SERAC1: variants seen among roughly 807,000 people sequenced by gnomAD.
SERAC1 encodes the protein serine active site containing 1.
SERAC1 carries 36 observed loss-of-function variants against 85.7 expected under a neutral mutation model. The ratio of observed to expected loss-of-function variants is 0.42; its 90% CI spans 0.32 to 0.55. The LOEUF (loss-of-function observed/expected upper bound fraction) is 0.55. SERAC1 is among the 20% of genes least tolerant of loss of function. The probability of loss-of-function intolerance (pLI) is 0.11; values close to 1 mark genes in which losing one functional copy is unlikely to be tolerated. For synonymous variants in SERAC1, 242 were observed against 265.3 expected (o/e 0.91, Z 0.85); for missense variants, 629 against 796.2 (o/e 0.79, Z 2.53).
At chr6:158,121,242 T>G (rs7759262) in intron 10 of SERAC1, among the ~76,000 whole-genome samples, 37,295 of 152,098 alleles carry the variant, frequency 0.25, 4,752 homozygotes, top group East Asian at 0.3. Context: ...ATAAAGTCGT[T>G]ACCTTTTAGG....
intron 10 of SERAC1, among the ~76,000 whole-genome samples, chr6:158,123,327 T>C (rs764437760): frequency 6.6e-6 from 1 of 152,172 alleles, no homozygotes; most frequent in African/African-American, 2.4e-5. Flanking sequence ...CCTGAGACTG[T>C]GAAAGGAGAC....
intron 9 of SERAC1, among the ~76,000 whole-genome samples, chr6:158,129,219 TTC>T (rs1784613437): frequency 6.6e-6 from 1 of 152,254 alleles, no homozygotes; most frequent in African/African-American, 2.4e-5. Context: ...CGAGCAAGTT[TTC>T]CCAGGTCCCT....
intron 10 of SERAC1, among the ~76,000 whole-genome samples, chr6:158,121,288 G>GT (rs1490868582): frequency 3.3e-5 from 5 of 152,052 alleles, no homozygotes; most frequent in Non-Finnish European, 5.9e-5. Context: ...TGTAAAAAAC[G>GT]TATGTTTAGC....
intron 10 of SERAC1, among the ~76,000 whole-genome samples, chr6:158,127,332 G>A (rs1404409138): frequency 4.3e-5 from 4 of 93,992 alleles, no homozygotes; most frequent in African/African-American, 1.2e-4. Context: ...GAAGTGAGGA[G>A]CCCCTCTGCC....
chr6:158,140,191 C>A (rs1283597041), intron 8 of SERAC1, among the ~76,000 whole-genome samples: 1 of 152,152 alleles, frequency 6.6e-6, no homozygotes, highest in Non-Finnish European at 1.5e-5. Flanking sequence ...AATGAGATGA[C>A]TGGTGGACGG....
chr6:158,136,575 A>T (rs1784798818), intron 8 of SERAC1, among the ~76,000 whole-genome samples: 1 of 152,122 alleles, frequency 6.6e-6, no homozygotes, highest in Non-Finnish European at 1.5e-5. Context: ...AGAGCACCGC[A>T]GCCTCGAACT....
At position 158,115,057 on chromosome 6, in the gene SERAC1, A is replaced by G. The variant is rs1784252393; in HGVS notation, c.1502-86T>C. 5 of 1,367,238 alleles carry G rather than the reference A, an allele frequency of 3.7e-6. No homozygotes were observed. The South Asian group carries it at 7.1e-5, about 19-fold the overall frequency. The allele number at this position is 1,367,238 out of a possible 1,614,324, so 84.7% of individuals were successfully genotyped here. A position where few individuals can be genotyped will look rare whatever the true frequency, so the allele number is the denominator to read the frequency against. On this transcript the variant is annotated intron_variant, in intron 14 of 16. Coordinates refer to ENST00000647468, the MANE Select transcript of SERAC1 (RefSeq NM_032861.4). ...AAAAAAAGAAAAGGCCAAACAAGAA[A>G]TACATAAAAAGAGATGCTTTCTTTT...
chr6:158,158,484 C>A, intron 1 of SERAC1, 120 bp from the exon 2 acceptor site: 1 of 627,568 alleles, frequency 1.6e-6, no homozygotes, highest in Non-Finnish European at 2.6e-6. Flanking sequence ...TTTTTCAAGA[C>A]TACGAAGAAA....
intron 2 of SERAC1, among the ~76,000 whole-genome samples, chr6:158,156,852 T>TA (rs1242445526): frequency 7.1e-6 from 1 of 139,934 alleles, no homozygotes; most frequent in Admixed American, 7.6e-5. Flanking sequence ...ATATTTTATA[T>TA]ATAATAAATA....
At chr6:158,129,592 A>T (rs1583574621) in intron 9 of SERAC1, among the ~76,000 whole-genome samples, 1 of 152,072 alleles carries the variant, frequency 6.6e-6, no homozygotes, top group Non-Finnish European at 1.5e-5. Flanking sequence ...AACTATCATC[A>T]TGACAGAAAA....
At chr6:158,158,477 T>G in intron 1 of SERAC1, 113 bp from the exon 2 acceptor site, 1 of 688,984 alleles carries the variant, frequency 1.5e-6, no homozygotes, top group South Asian at 2.5e-5. Flanking sequence ...AGTTAGCTTT[T>G]TCAAGACTAC....
rs937646601 is a variant in SERAC1 at position 158,142,935 on chromosome 6, A to G, written c.738+121T>C. On this transcript the variant is annotated intron_variant, in intron 8 of 16. Coordinates refer to ENST00000647468, the MANE Select transcript of SERAC1 (RefSeq NM_032861.4). ...TCATCCCTGACATCCAGCCCAGGGC[A>G]TGACACACAACCAGAAGTTAGCATG... 2.0e-5 allele frequency: 15 copies of G among 744,784 alleles called. No homozygotes were observed. In the African/African-American group the frequency reaches 2.5e-4, roughly 12 times the overall value. The allele number at this position is 744,784 out of a possible 1,614,324, so 46.1% of individuals were successfully genotyped here.
chr6:158,121,427 C>A (rs1338038214), intron 10 of SERAC1, among the ~76,000 whole-genome samples: 3 of 152,158 alleles, frequency 2.0e-5, no homozygotes. Context: ...TCTGCTCCCT[C>A]CTTACTTGCT....
intron 1 of SERAC1, among the ~76,000 whole-genome samples, chr6:158,165,288 T>G (rs1785571739): frequency 6.6e-6 from 1 of 152,088 alleles, no homozygotes; most frequent in Admixed American, 6.6e-5. Context: ...CCCAAGTAGC[T>G]GGGACTACAG....
At chr6:158,167,283 A>C (rs993718916) in intron 1 of SERAC1, among the ~76,000 whole-genome samples, 9 of 150,948 alleles carry the variant, frequency 6.0e-5, no homozygotes, top group African/African-American at 2.2e-4. Context: ...TCACACCTGT[A>C]ATCGCAGCAC....
rs10946114 is a variant in SERAC1 at position 158,164,721 on chromosome 6, C to T, written c.-2+3419G>A. Among the ~76,000 whole-genome samples, 19 of 152,234 alleles carry T rather than the reference C, an allele frequency of 1.2e-4. No individual in the cohort carries two copies. The East Asian group carries it at 3.7e-3, about 29-fold the overall frequency. On this transcript the variant is annotated intron_variant, in intron 1 of 16. Coordinates refer to ENST00000647468, the MANE Select transcript of SERAC1 (RefSeq NM_032861.4). The stretch of plus-strand genomic sequence containing the variant: ...AGCCAGAGTGAAACATCATTTCATG[C>T]TTTCATTCTGATTAATAAAACGTGA...
At chr6:158,156,947 T>A (rs1456592848) in intron 2 of SERAC1, among the ~76,000 whole-genome samples, 1 of 139,934 alleles carries the variant, frequency 7.1e-6, no homozygotes, top group Non-Finnish European at 1.5e-5. Flanking sequence ...TAGATATTAA[T>A]ATATTTATAT....
chr6:158,148,983 C>T, intron 4 of SERAC1, 29 bp from the exon 5 acceptor site: 1 of 1,510,584 alleles, frequency 6.6e-7, no homozygotes, highest in Non-Finnish European at 9.0e-7. Context: ...TAAGTAAAAC[C>T]AAGAATGTAT....
intron 1 of SERAC1, among the ~76,000 whole-genome samples, chr6:158,167,226 A>T (rs929180955): frequency 3.0e-5 from 1 of 33,632 alleles, no homozygotes; most frequent in Non-Finnish European, 6.9e-5. Context: ...ACGATGTTAA[A>T]AAAAAAAAAA....
Sources: gnomAD v4.1 joint callset for allele counts (sites outside exome capture counted in the v4.1 genomes callset) on GRCh38, gnomAD v4.1.1 for gene constraint, MANE v1.5 for transcripts, NCBI Gene and HGNC (gene_info 2026-07-23, HGNC 2026-07-21) for gene names.